Variants in DCC observed in about 807,000 individuals in gnomAD.
DCC encodes DCC netrin 1 receptor.
Under a neutral mutation model 172.5 loss-of-function variants are expected in DCC, and 58 were observed. That is an observed-to-expected ratio of 0.34 (90% CI 0.27 to 0.42). The LOEUF is 0.42. Ranked by LOEUF, DCC falls within the 10% of genes least tolerant of loss-of-function variation. The probability of loss-of-function intolerance (pLI) is 1.00; values close to 1 mark genes in which losing one functional copy is unlikely to be tolerated. For missense variants in DCC, 1,740 were observed against 1,791.0 expected (o/e 0.97, Z 0.51); for synonymous variants, 709 against 644.5 (o/e 1.10, Z -1.52).
At chr18:52,979,354 T>C (rs1323443797) in intron 5 of DCC, among the ~76,000 whole-genome samples, 1 of 152,138 alleles carries the variant, frequency 6.6e-6, no homozygotes, top group Non-Finnish European at 1.5e-5. Context: ...GTCAGAAAGC[T>C]GTGAAGGAGC....
intron 27 of DCC, among the ~76,000 whole-genome samples, chr18:53,503,155 G>A (rs1598816036): frequency 6.6e-6 from 1 of 152,196 alleles, no homozygotes; most frequent in East Asian, 1.9e-4. Context: ...TTTTACATGG[G>A]TCTAGGGCAA....
chr18:52,474,450 G>T (rs1022096770), intron 1 of DCC, among the ~76,000 whole-genome samples: 1 of 152,164 alleles, frequency 6.6e-6, no homozygotes, highest in East Asian at 1.9e-4. Flanking sequence ...CCCATTTGCT[G>T]ATTTCAAGCC....
intron 25 of DCC, among the ~76,000 whole-genome samples, chr18:53,484,040 G>A (rs939271556): frequency 2.6e-5 from 4 of 151,690 alleles, no homozygotes; most frequent in Admixed American, 2.0e-4. Context: ...ATATATGAAT[G>A]AGTACTATAA....
intron 12 of DCC, among the ~76,000 whole-genome samples, chr18:53,251,151 G>A (rs1023948691): frequency 2.6e-5 from 4 of 151,710 alleles, no homozygotes; most frequent in Non-Finnish European, 4.4e-5. Flanking sequence ...ATCTATCATC[G>A]GCTCCCCCCA....
In DCC at chr18:53,431,460, A is replaced by T. The variant is rs1911606328; in HGVS notation, c.3164-3684A>T. 2.2e-5 allele frequency among the ~76,000 whole-genome samples: 3 copies of T among 134,642 alleles called. No homozygotes were observed. In the South Asian group the frequency reaches 6.6e-4, roughly 30 times the overall value. The allele number at this position is 134,642 out of a possible 152,430, so 88.3% of individuals were successfully genotyped here. On this transcript the variant is annotated intron_variant, in intron 21 of 28. Coordinates refer to ENST00000442544, the MANE Select transcript of DCC (RefSeq NM_005215.4). Reference sequence around the variant, plus strand: ...TCCTGTAGAATTATATTCATATAGTACACTTTGTTTTTTGTTGTTGTTGTT... The same window carrying T: ...TCCTGTAGAATTATATTCATATAGTTCACTTTGTTTTTTGTTGTTGTTGTT...
chr18:52,989,666 T>G (rs2041351897), intron 5 of DCC, among the ~76,000 whole-genome samples: 1 of 152,210 alleles, frequency 6.6e-6, no homozygotes, highest in Non-Finnish European at 1.5e-5. Flanking sequence ...CACACACATG[T>G]ACTCACACAA....
chr18:53,335,186 C>A (rs2057578179), intron 14 of DCC, among the ~76,000 whole-genome samples: 1 of 152,166 alleles, frequency 6.6e-6, no homozygotes, highest in Admixed American at 6.6e-5. Context: ...TTTCCTCTCC[C>A]TACAGAGCTC....
chr18:53,079,202 T>C (rs1473775077), intron 7 of DCC, among the ~76,000 whole-genome samples: 1 of 152,136 alleles, frequency 6.6e-6, no homozygotes, highest in Non-Finnish European at 1.5e-5. Context: ...GAAAAAAGAA[T>C]GGAGAAGAGA....
At chr18:53,470,122 T>C (rs1000457950) in intron 25 of DCC, among the ~76,000 whole-genome samples, 1 of 151,912 alleles carries the variant, frequency 6.6e-6, no homozygotes, top group Non-Finnish European at 1.5e-5. Context: ...GTATCCTCTC[T>C]TTTCTCCCTA....
intron 5 of DCC, among the ~76,000 whole-genome samples, chr18:52,980,910 C>A (rs749335463): frequency 3.3e-5 from 5 of 149,840 alleles, no homozygotes; most frequent in Admixed American, 6.7e-5. Flanking sequence ...AAGTCACAAA[C>A]CTTCTAATTG....
At chr18:52,790,149 C>T (rs1334532572) in intron 2 of DCC, among the ~76,000 whole-genome samples, 1 of 152,100 alleles carries the variant, frequency 6.6e-6, no homozygotes, top group African/African-American at 2.4e-5. Context: ...AAAGTATTGC[C>T]ACGTGGTTAC....
At chr18:52,841,031 C>T (rs2038796828) in intron 2 of DCC, among the ~76,000 whole-genome samples, 1 of 152,100 alleles carries the variant, frequency 6.6e-6, no homozygotes, top group Admixed American at 6.6e-5. Flanking sequence ...AGAATGATCT[C>T]TGCAGGTCTC....
At chr18:52,884,737 C>T (rs774501694) in intron 2 of DCC, among the ~76,000 whole-genome samples, 9 of 152,100 alleles carry the variant, frequency 5.9e-5, no homozygotes, top group African/African-American at 9.7e-5. Flanking sequence ...ATGTTTTCCT[C>T]GATGGTCCTG....
At chr18:52,663,296 A>C (rs1353416954) in intron 1 of DCC, among the ~76,000 whole-genome samples, 1 of 152,190 alleles carries the variant, frequency 6.6e-6, no homozygotes, top group African/African-American at 2.4e-5. Flanking sequence ...AATAAAGAGG[A>C]AGACTCAGAA....
intron 1 of DCC, among the ~76,000 whole-genome samples, chr18:52,637,608 C>G (rs1186103256): frequency 6.6e-6 from 1 of 152,160 alleles, no homozygotes; most frequent in African/African-American, 2.4e-5. Flanking sequence ...CCCAATCCAA[C>G]AAAGGCAAAG....
chr18:52,555,178 G>C (rs2032880865), intron 1 of DCC, among the ~76,000 whole-genome samples: 1 of 152,016 alleles, frequency 6.6e-6, no homozygotes, highest in Non-Finnish European at 1.5e-5. Context: ...AATAGGTTTT[G>C]ACAAAGAAAA....
At chr18:53,452,357 A>C (rs931209117) in intron 23 of DCC, among the ~76,000 whole-genome samples, 7 of 152,160 alleles carry the variant, frequency 4.6e-5, no homozygotes. Flanking sequence ...AGCTATCTGT[A>C]GTGGGTTTGT....
chr18:53,417,087 G>A (rs1254868675), intron 21 of DCC, among the ~76,000 whole-genome samples: 2 of 152,164 alleles, frequency 1.3e-5, no homozygotes, highest in African/African-American at 2.4e-5. Flanking sequence ...TGTGGGCAGT[G>A]CTTACTTGCA....
chr18:52,680,104 C>T (rs1390367913), intron 1 of DCC, among the ~76,000 whole-genome samples: 1 of 152,070 alleles, frequency 6.6e-6, no homozygotes, highest in Non-Finnish European at 1.5e-5. Flanking sequence ...ATTCATAAAA[C>T]ATTTTCTGGG....
Sources: allele counts gnomAD v4.1 joint callset (sites outside exome capture counted in the v4.1 genomes callset), GRCh38; gene constraint gnomAD v4.1.1; transcripts MANE v1.5; gene names NCBI Gene and HGNC (gene_info 2026-07-23, HGNC 2026-07-21).